Variants in SLC23A3 observed in about 807,000 individuals in gnomAD.
SLC23A3 encodes E2-binding protein 3.
SLC23A3 carries 41 observed loss-of-function variants against 64.7 expected under a neutral mutation model. The observed-to-expected ratio is 0.63, with a 90% confidence interval of 0.49 to 0.82. The LOEUF (loss-of-function observed/expected upper bound fraction) is 0.82, where lower values mean the gene tolerates loss of function less well. Among genes scored for constraint, SLC23A3 ranks in the 40% least tolerant of loss-of-function variants. The pLI, the probability that SLC23A3 is intolerant of heterozygous loss-of-function variation, is 0.00. For missense variants in SLC23A3, 647 were observed against 733.4 expected, an observed-to-expected ratio of 0.88 and a Z score of 1.36; for synonymous variants, 281 against 306.8, an observed-to-expected ratio of 0.92 and a Z score of 0.88.
chr2:219,168,662 A>G lies in SLC23A3; in HGVS notation c.664T>C (p.Leu222=). The part of the protein sequence containing the change: ...VAQFCFTHWG[L]ALLVILLMVV... Reference sequence around the variant, plus strand: ...TCAGGACTCACGTACAGCAAGGCCAACCCCCAGTGTGTGAAGCAGAACTGG... The same window carrying G: ...TCAGGACTCACGTACAGCAAGGCCAGCCCCCAGTGTGTGAAGCAGAACTGG... Residue 222 remains leucine, a synonymous_variant, in exon 5 of 12, where the codon TTG becomes CTG. Transcript: ENST00000409878. 3.1e-6 allele frequency: 5 copies of G among 1,613,644 alleles called. No individual in the cohort carries two copies. Among genetic ancestry groups the G allele is most frequent in the Non-Finnish European group, 4.2e-6 (5 of 1,179,814 alleles).
At chr2:219,168,460 T>TG in intron 5 of SLC23A3, 142 bp from the exon 6 acceptor site, 2 of 1,178,676 alleles carry the variant, frequency 1.7e-6, no homozygotes, top group Non-Finnish European at 2.4e-6. Context: ...GAAGTGACCT[T>TG]GGGGGACAGC....
At position 219,169,430 on chromosome 2, in the gene SLC23A3, G is replaced by C; in HGVS notation, c.321-24C>G. ...GCCTGTAGGAACAGCAGCCCCAGCAGGTCTGGGACTATGTGGCAGCCAGCA... is the reference window on the plus strand; with the variant it reads ...GCCTGTAGGAACAGCAGCCCCAGCACGTCTGGGACTATGTGGCAGCCAGCA... On this transcript the variant is annotated intron_variant, in intron 2 of 11. Transcript: ENST00000409878. The surrounding 1 kb of genome is among the most constrained non-coding windows in gnomAD (Gnocchi z 4.5). The C allele has an allele frequency of 6.2e-7, 1 of 1,614,068 alleles. No individual in the cohort carries two copies. Among genetic ancestry groups the C allele is most frequent in the Non-Finnish European group, 8.5e-7 (1 of 1,179,972 alleles).
chr2:219,164,570 A>G, intron 8 of SLC23A3: 4 of 460,652 alleles, frequency 8.7e-6, no homozygotes, highest in Non-Finnish European at 1.5e-5. Flanking sequence ...TTTAATTTTT[A>G]ATTTTTTGAG....
Position 219,165,435 on chromosome 2 carries a change from A to G in SLC23A3, c.914-13T>C, listed in dbSNP as rs1228932499. 1 of 1,539,664 alleles carries G rather than the reference A, an allele frequency of 6.5e-7. No individual in the cohort carries two copies. The highest frequency in any genetic ancestry group is 8.7e-7 in the Non-Finnish European group (1 of 1,143,416). ...CAATTCCACTCACCTGGGGAGGGAG[A>G]AGAAGCCACTTTGGGGCCAGACTCA... On this transcript the variant is annotated splice_polypyrimidine_tract_variant and intron_variant, in intron 7 of 11. Coordinates refer to ENST00000409878, the MANE Select transcript of SLC23A3 (RefSeq NM_001144889.2).
chr2:219,167,153 T>C (rs1284966374), intron 7 of SLC23A3, among the ~76,000 whole-genome samples: 2 of 152,038 alleles, frequency 1.3e-5, no homozygotes, highest in Non-Finnish European at 2.9e-5. Flanking sequence ...CAGCTACTTG[T>C]GGGGCTGAGG....
In SLC23A3 at chr2:219,170,026, A is replaced by G; in HGVS notation, c.-42T>C. On this transcript the variant is annotated 5_prime_UTR_variant, in exon 1 of 12. Transcript: ENST00000409878. Reference sequence around the variant, plus strand: ...CTTTGTCTTGGCTGCCCGGGACCAGAGTTAAGTAGAGAGAGTAAGAGGTCA... The same window carrying G: ...CTTTGTCTTGGCTGCCCGGGACCAGGGTTAAGTAGAGAGAGTAAGAGGTCA... 6.3e-7 allele frequency: 1 copy of G among 1,595,698 alleles called. No homozygotes were observed. The highest frequency in any genetic ancestry group is 1.1e-5 in the South Asian group (1 of 89,472).
chr2:219,164,382 A>G (rs1244027950), intron 8 of SLC23A3, 44 bp from the exon 9 acceptor site: 1 of 1,312,892 alleles, frequency 7.6e-7, no homozygotes, highest in African/African-American at 1.5e-5. Flanking sequence ...ACTTCCTCAG[A>G]CTGTCCCAGG....
chr2:219,169,547 G>T lies in SLC23A3; in HGVS notation c.294C>A (p.Thr98=). The change falls in exon 2 of 12, where the codon ACC becomes ACA. Residue 98 remains threonine (T), a synonymous_variant. Coordinates refer to ENST00000409878, the MANE Select transcript of SLC23A3 (RefSeq NM_001144889.2). The surrounding 1 kb of genome is among the most constrained non-coding windows in gnomAD (Gnocchi z 4.5). ...TGCTGCCCATCCAAGTTTGCAGGAT[G>T]GTAGACATACCACATGAAAAGAAGC... ...ASSFFSCGMS[T]ILQTWMGSRL... is the part of the protein sequence containing the mutation. The T allele has an allele frequency of 6.2e-7, 1 of 1,614,186 alleles. No homozygotes were observed. The highest frequency in any genetic ancestry group is 8.5e-7 in the Non-Finnish European group (1 of 1,180,042).
intron 4 of SLC23A3, 42 bp from the exon 5 acceptor site, chr2:219,168,875 C>A: frequency 6.4e-7 from 1 of 1,563,322 alleles, no homozygotes; most frequent in South Asian, 1.2e-5. Context: ...ACATTCTGCT[C>A]AATCAAACTG....
chr2:219,169,012 C>T lies in SLC23A3; in HGVS notation c.492+17G>A. On this transcript the variant is annotated intron_variant, in intron 4 of 11. Coordinates refer to ENST00000409878, the MANE Select transcript of SLC23A3 (RefSeq NM_001144889.2). This position sits in a 1 kb window ranked among gnomAD's most constrained non-coding sequence, Gnocchi z 4.5. ...GCCTGGCACCACCCTTATCCCTTCT[C>T]ACCTCCAGATACCCACCTCCTGGAG... 2.5e-6 allele frequency: 4 copies of T among 1,610,812 alleles called. 1 individual carries two copies. In the South Asian group the frequency reaches 3.3e-5, roughly 13 times the overall value.
rs201475092 is a variant in SLC23A3, at chr2:219,163,395, G to A, written c.1434C>T (p.Phe478=). 8.6e-5 allele frequency: 139 copies of A among 1,614,164 alleles called. No homozygotes were observed. Among genetic ancestry groups the A allele is most frequent in the Non-Finnish European group, 1.1e-4 (132 of 1,180,028 alleles). ...PRWFREAPVL[F]STGWSPLDVL... The stretch of plus-strand genomic sequence containing the variant: ...CTCTTCCCTTCCACCTACCTGTGCT[G>A]AACAGGACTGGGGCTTCCCGAAACC... Residue 478 remains phenylalanine (F), a synonymous_variant, in exon 10 of 12, where the codon TTC becomes TTT. Coordinates refer to ENST00000409878, the MANE Select transcript of SLC23A3 (RefSeq NM_001144889.2).
rs560144655 is a variant in SLC23A3 at position 219,168,195 on chromosome 2, C to G, written c.798G>C (p.Ser266=). 1.2e-6 allele frequency: 2 copies of G among 1,613,672 alleles called. No homozygotes were observed. The highest frequency in any genetic ancestry group is 2.7e-5 in the African/African-American group (2 of 75,012). The change falls in exon 6 of 12, where the codon TCG becomes TCC. Residue 266 remains serine (S), a splice_region_variant and synonymous_variant. Coordinates refer to ENST00000409878, the MANE Select transcript of SLC23A3 (RefSeq NM_001144889.2). ...HTPLPVFRLL[S]VLIPVACVWI... ...CTGCCCTGCCCAGACCCACACATAC[C>G]GAAAGGAGCCGGAAGACAGGGAGAG...
At chr2:219,165,987 G>T (rs539789947) in intron 7 of SLC23A3, among the ~76,000 whole-genome samples, 1 of 152,258 alleles carries the variant, frequency 6.6e-6, no homozygotes, top group African/African-American at 2.4e-5. Context: ...TACAAAATTA[G>T]CCAGGCATGG....
At chr2:219,165,515 T>C in intron 7 of SLC23A3, 93 bp from the exon 8 acceptor site, 1 of 1,403,908 alleles carries the variant, frequency 7.1e-7, no homozygotes, top group Non-Finnish European at 9.6e-7. Flanking sequence ...CCTAGATGCC[T>C]CAATGTCTTT....
intron 9 of SLC23A3, among the ~76,000 whole-genome samples, chr2:219,163,759 A>G (rs1377729167): frequency 6.6e-6 from 1 of 151,646 alleles, no homozygotes; most frequent in African/African-American, 2.4e-5. Context: ...CAGTGGTGCA[A>G]TCTCGGCTCA....
chr2:219,167,331 T>C (rs2106378525), intron 7 of SLC23A3, among the ~76,000 whole-genome samples: 1 of 152,324 alleles, frequency 6.6e-6, no homozygotes, highest in South Asian at 2.1e-4. Flanking sequence ...AAGCAATCTT[T>C]ATACATAGGT....
chr2:219,167,251 C>G (rs191863059), intron 7 of SLC23A3, among the ~76,000 whole-genome samples: 1 of 152,124 alleles, frequency 6.6e-6, no homozygotes, highest in Non-Finnish European at 1.5e-5. Context: ...CAGCAAGACC[C>G]TGTCCCAAAA....
At chr2:219,163,876 A>G (rs1050547432) in intron 9 of SLC23A3, among the ~76,000 whole-genome samples, 2 of 151,590 alleles carry the variant, frequency 1.3e-5, no homozygotes, top group Admixed American at 1.3e-4. Context: ...TAATTTTTGC[A>G]CTTTTAGTAG....
rs767930639 is a variant in SLC23A3, at chr2:219,168,281, C to T, written c.712G>A (p.Gly238Ser). 14 of 1,612,916 alleles carry T rather than the reference C, an allele frequency of 8.7e-6. No homozygotes were observed. The highest frequency in any genetic ancestry group is 8.0e-5 in the African/African-American group (6 of 74,814). ...LLMVVCSQHL[G>S]SCQFHVCPWR... is the part of the protein sequence containing the mutation. ...GGGCACACATGAAACTGGCAGGAGCCCAGGTGCTGAGAACAGACCACCATG... is the reference window on the plus strand; with the variant it reads ...GGGCACACATGAAACTGGCAGGAGCTCAGGTGCTGAGAACAGACCACCATG... The change falls in exon 6 of 12, where the codon GGC becomes AGC. Residue 238 changes from glycine to serine, a missense_variant. Transcript: ENST00000409878.
Sources: allele counts gnomAD v4.1 joint callset (sites outside exome capture counted in the v4.1 genomes callset), GRCh38; gene constraint gnomAD v4.1.1; non-coding constraint Gnocchi (gnomAD v3.1); transcripts MANE v1.5; gene names NCBI Gene and HGNC (gene_info 2026-07-23, HGNC 2026-07-21).